The following SLIT1 variants were observed in gnomAD, a reference collection of about 807,000 sequenced individuals.
SLIT1 encodes slit homolog 1 protein.
A neutral mutation model predicts 186.1 loss-of-function variants in SLIT1; 66 were observed. The ratio of observed to expected loss-of-function variants is 0.35; its 90% CI spans 0.29 to 0.44. The LOEUF (loss-of-function observed/expected upper bound fraction) is 0.44, where lower values mean the gene tolerates loss of function less well. Ranked by LOEUF, SLIT1 falls within the 20% of genes least tolerant of loss-of-function variation. The pLI, the probability that SLIT1 is intolerant of heterozygous loss-of-function variation, is 1.00. For missense variants in SLIT1, 1,638 were observed against 2,037.4 expected, an observed-to-expected ratio of 0.80 and a Z score of 3.77; for synonymous variants, 761 against 833.8, an observed-to-expected ratio of 0.91 and a Z score of 1.50.
intron 4 of SLIT1, among the ~76,000 whole-genome samples, chr10:97,082,584 G>A (rs1442466361): frequency 1.3e-5 from 2 of 151,974 alleles, no homozygotes; most frequent in Admixed American, 6.6e-5. Context: ...ACAGGCGCCC[G>A]CCACCATGCC....
intron 1 of SLIT1, among the ~76,000 whole-genome samples, chr10:97,176,240 G>A (rs1463151160): frequency 6.6e-6 from 1 of 152,128 alleles, no homozygotes; most frequent in Non-Finnish European, 1.5e-5. Context: ...CCTCCCAGGA[G>A]TGTTATGAGG....
intron 4 of SLIT1, among the ~76,000 whole-genome samples, chr10:97,133,504 G>A (rs1030722303): frequency 1.3e-5 from 2 of 152,204 alleles, no homozygotes; most frequent in African/African-American, 4.8e-5. Flanking sequence ...CCAGGGACTG[G>A]CAGGTGGGGC....
intron 13 of SLIT1, among the ~76,000 whole-genome samples, chr10:97,053,575 G>A (rs1848810042): frequency 2.0e-5 from 3 of 152,102 alleles, no homozygotes; most frequent in Admixed American, 6.6e-5. Context: ...GCACTGCCTG[G>A]CATAGACAGG....
chr10:97,162,777 G>A (rs1169350478), intron 3 of SLIT1, among the ~76,000 whole-genome samples: 2 of 151,900 alleles, frequency 1.3e-5, no homozygotes, highest in East Asian at 1.9e-4. Context: ...CGAGATCGGC[G>A]ACCACCGTGA....
At chr10:97,112,189 G>C (rs916779933) in intron 4 of SLIT1, among the ~76,000 whole-genome samples, 1 of 152,096 alleles carries the variant, frequency 6.6e-6, no homozygotes, top group African/African-American at 2.4e-5. Context: ...CAGCAGTGAT[G>C]CCCCCTCCTC....
At chr10:97,087,547 A>G (rs2134660294) in intron 4 of SLIT1, among the ~76,000 whole-genome samples, 1 of 152,284 alleles carries the variant, frequency 6.6e-6, no homozygotes, top group Admixed American at 6.5e-5. Context: ...CGCTAATATG[A>G]GTGAAGAGCA....
chr10:97,125,239 C>T (rs1314180048), intron 4 of SLIT1, among the ~76,000 whole-genome samples: 3 of 152,092 alleles, frequency 2.0e-5, no homozygotes, highest in African/African-American at 7.2e-5. Flanking sequence ...CATATGAGAA[C>T]ACAGAGTCAG....
intron 4 of SLIT1, among the ~76,000 whole-genome samples, chr10:97,079,084 C>T (rs2134652426): frequency 6.6e-6 from 1 of 152,322 alleles, no homozygotes; most frequent in South Asian, 2.1e-4. Context: ...CATTTACTGC[C>T]TGTGTGACCT....
chr10:97,036,369 C>A (rs1283272476), intron 22 of SLIT1, among the ~76,000 whole-genome samples: 2 of 152,128 alleles, frequency 1.3e-5, no homozygotes, highest in South Asian at 4.1e-4. Context: ...CCTTCTCCAC[C>A]CCTCCCATTG....
At position 97,022,176 on chromosome 10, in the gene SLIT1, A is replaced by T. The variant is rs1848508076; in HGVS notation, c.2583-763T>A. ...AAGTTTTCTCCTCTCCATCTCAAAG[A>T]TGTGGGCACCGAGCCTCCCATGGAA... On this transcript the variant is annotated intron_variant, in intron 25 of 36. Transcript: ENST00000266058. The surrounding 1 kb of genome is among the most constrained non-coding windows in gnomAD (Gnocchi z 4.2). Among the ~76,000 whole-genome samples, 1 of 152,146 alleles carries T rather than the reference A, an allele frequency of 6.6e-6. No individual in the cohort carries two copies. The highest frequency in any genetic ancestry group is 1.5e-5 in the Non-Finnish European group (1 of 68,030).
chr10:97,039,957 C>T (rs369758802), intron 21 of SLIT1, 31 bp downstream of exon 21: 31 of 1,610,918 alleles, frequency 1.9e-5, no homozygotes, highest in South Asian at 1.1e-4. Flanking sequence ...TGTGGACCCA[C>T]GTGAAGGGGG....
Position 97,060,128 on chromosome 10 carries a change from G to C in SLIT1, c.972C>G (p.Ile324Met), listed in dbSNP as rs770562984. The C allele has an allele frequency of 6.2e-7, 1 of 1,614,152 alleles. No homozygotes were observed. Among genetic ancestry groups the C allele is most frequent in the Admixed American group, 1.7e-5 (1 of 60,028 alleles). Residue 324 changes from isoleucine (I) to methionine (M), a missense_variant, in exon 10 of 37, where the codon ATC becomes ATG. Ile to Met is a conservative substitution (Grantham distance 10). This residue lies in a region of SLIT1 where 1,245 missense variants were observed against 1,535.3 expected (regional missense o/e 0.81). Coordinates refer to ENST00000266058, the MANE Select transcript of SLIT1 (RefSeq NM_003061.3). The stretch of plus-strand genomic sequence containing the variant: ...TGTAGGGTGAGAAGGCTCCAGGAGG[G>C]ATGGACTTGATGCCGTTCAGCTCCA... ...IRLELNGIKSIPPGAFSPYRK... is the reference protein window; with the variant it reads ...IRLELNGIKSMPPGAFSPYRK...
intron 4 of SLIT1, among the ~76,000 whole-genome samples, chr10:97,106,407 C>CGAACGAAT (rs1554851567): frequency 0.033 from 2,450 of 74,124 alleles, 54 homozygotes; most frequent in African/African-American, 0.076. Context: ...AATGAATGAA[C>CGAACGAAT]GAATGAATGA....
chr10:97,183,565 C>T lies in SLIT1; in HGVS notation c.197+1913G>A, dbSNP rs988318353. On this transcript the variant is annotated intron_variant, in intron 1 of 36. Coordinates refer to ENST00000266058, the MANE Select transcript of SLIT1 (RefSeq NM_003061.3). Reference sequence around the variant, plus strand: ...CTAATAGGTGACAGAGCTGGGGAACCAGGCAGTATAGCTCCCAGAATGCCA... The same window carrying T: ...CTAATAGGTGACAGAGCTGGGGAACTAGGCAGTATAGCTCCCAGAATGCCA... Among the ~76,000 whole-genome samples, 17 of 152,176 alleles carry T rather than the reference C, an allele frequency of 1.1e-4. No homozygotes were observed. The East Asian group carries it at 3.3e-3, about 29-fold the overall frequency.
At chr10:97,057,971 T>C in intron 11 of SLIT1, 1 of 717,096 alleles carries the variant, frequency 1.4e-6, no homozygotes, top group South Asian at 1.5e-5. Context: ...TCAAGCTGAG[T>C]AAAAAATCCT....
chr10:97,121,432 C>A (rs1040996529), intron 4 of SLIT1, among the ~76,000 whole-genome samples: 15 of 152,150 alleles, frequency 9.9e-5, no homozygotes, highest in Non-Finnish European at 2.2e-4. Context: ...CACAAATGCA[C>A]CCCGACTATG....
chr10:97,183,576 G>T (rs1194718639), intron 1 of SLIT1, among the ~76,000 whole-genome samples: 3 of 152,180 alleles, frequency 2.0e-5, no homozygotes, highest in Non-Finnish European at 4.4e-5. Flanking sequence ...AGGCAGTATA[G>T]CTCCCAGAAT....
rs539439334 is a variant in SLIT1 at position 97,074,414 on chromosome 10, C to T, written c.414-8328G>A. On this transcript the variant is annotated intron_variant, in intron 4 of 36. Transcript: ENST00000266058. ...AGACCACAGCTCCCCACCTATGCTG[C>T]GGCCACTTGTACCTGCTCTGCCTAA... Among the ~76,000 whole-genome samples, 23 of 152,310 alleles carry T rather than the reference C, an allele frequency of 1.5e-4. No homozygotes were observed. The South Asian group carries it at 3.1e-3, about 21-fold the overall frequency.
Position 97,046,536 on chromosome 10 carries a change from C to T in SLIT1, c.1853+118G>A. 3 of 1,041,080 alleles carry T rather than the reference C, an allele frequency of 2.9e-6. No homozygotes were observed. The South Asian group carries it at 5.0e-5, about 17-fold the overall frequency. 64.5% of individuals were successfully genotyped at this position (1,041,080 alleles called of 1,614,324 possible). Reference sequence around the variant, plus strand: ...ACACAGTCAGGATCCTCAGTTCTCCCCACCCTCCTGCAAGCTGGGCCCAGG... The same window carrying T: ...ACACAGTCAGGATCCTCAGTTCTCCTCACCCTCCTGCAAGCTGGGCCCAGG... On this transcript the variant is annotated intron_variant, in intron 18 of 36. Coordinates refer to ENST00000266058, the MANE Select transcript of SLIT1 (RefSeq NM_003061.3).
Sources: gnomAD v4.1 joint callset for allele counts (sites outside exome capture counted in the v4.1 genomes callset) on GRCh38, gnomAD v4.1.1 for gene constraint, gnomAD v4.1.1 regional missense constraint, Gnocchi (gnomAD v3.1) non-coding constraint, MANE v1.5 for transcripts, NCBI Gene and HGNC (gene_info 2026-07-23, HGNC 2026-07-21) for gene names.